TMEM229B: variants seen among roughly 807,000 people sequenced by gnomAD.
TMEM229B encodes chromosome 14 open reading frame 83.
In TMEM229B, 6 loss-of-function variants were observed where a neutral mutation model predicts 13.7. That is an observed-to-expected ratio of 0.44 (90% CI 0.24 to 0.86). The LOEUF (loss-of-function observed/expected upper bound fraction) is 0.86, where lower values mean the gene tolerates loss of function less well. Ranked by LOEUF, TMEM229B falls within the 40% of genes least tolerant of loss-of-function variation. The probability of loss-of-function intolerance (pLI) is 0.23; values close to 1 mark genes in which losing one functional copy is unlikely to be tolerated. For synonymous variants in TMEM229B, 107 were observed against 102.1 expected (o/e 1.05, Z -0.29); for missense variants, 170 against 236.0 (o/e 0.72, Z 1.83).
chr14:67,493,215 T>C (rs943234238), upstream of TMEM229B, among the ~76,000 whole-genome samples: 1 of 152,206 alleles, frequency 6.6e-6, no homozygotes, highest in African/African-American at 2.4e-5. Context: ...CCTTGTTCTT[T>C]GTTCTATTCT....
intron 2 of TMEM229B, 45 bp downstream of exon 2, chr14:67,486,955 G>C (rs1301763828): frequency 1.3e-5 from 2 of 152,202 alleles, no homozygotes; most frequent in African/African-American, 4.8e-5. Flanking sequence ...CGAGCAGGCA[G>C]GATCGCTGGG....
chr14:67,526,054 C>T (rs1446284810), intron 1 of TMEM229B, among the ~76,000 whole-genome samples: 1 of 152,210 alleles, frequency 6.6e-6, no homozygotes, highest in African/African-American at 2.4e-5. Flanking sequence ...TGAGACCTGT[C>T]TGTCAGCTCT....
chr14:67,477,815 G>A (rs1292910123), intron 2 of TMEM229B, among the ~76,000 whole-genome samples: 1 of 152,138 alleles, frequency 6.6e-6, no homozygotes, highest in African/African-American at 2.4e-5. Context: ...CCCAAAACCT[G>A]TTTCTCTCCT....
chr14:67,481,057 G>A (rs897902299), intron 2 of TMEM229B, among the ~76,000 whole-genome samples: 1 of 152,178 alleles, frequency 6.6e-6, no homozygotes, highest in Admixed American at 6.5e-5. Context: ...TTTGGAGGCT[G>A]AGGTGGGAGA....
intron 1 of TMEM229B, among the ~76,000 whole-genome samples, chr14:67,528,419 G>A (rs1196021177): frequency 6.6e-6 from 1 of 152,176 alleles, no homozygotes; most frequent in Non-Finnish European, 1.5e-5. Context: ...TGGGCTGTTG[G>A]AGAACCTGCC....
At chr14:67,506,208 G>A (rs2032819957) in intron 1 of TMEM229B, among the ~76,000 whole-genome samples, 1 of 152,032 alleles carries the variant, frequency 6.6e-6, no homozygotes, top group South Asian at 2.1e-4. Flanking sequence ...TTTTTCCATG[G>A]GACTCTGCTT....
upstream of TMEM229B, among the ~76,000 whole-genome samples, chr14:67,517,389 G>A (rs564627272): frequency 1.9e-4 from 29 of 152,332 alleles, no homozygotes; most frequent in African/African-American, 6.3e-4. Context: ...CACGGTAGGC[G>A]CCGGGCTCAG....
At chr14:67,495,385 C>T (rs946017606) in intron 1 of TMEM229B, among the ~76,000 whole-genome samples, 4 of 152,128 alleles carry the variant, frequency 2.6e-5, no homozygotes, top group South Asian at 2.1e-4. Flanking sequence ...GGAGTGTATC[C>T]GTATATGTAG....
rs1037733653 is a variant in TMEM229B, at chr14:67,472,262, C to T, written c.*1158G>A. 2.6e-5 allele frequency: 4 copies of T among 152,472 alleles called. No homozygotes were observed. The highest frequency in any genetic ancestry group is 2.6e-4 in the Admixed American group (4 of 15,302). 9.4% of individuals were successfully genotyped at this position (152,472 alleles called of 1,614,324 possible). A position where few individuals can be genotyped will look rare whatever the true frequency, so the allele number is the denominator to read the frequency against. On this transcript the variant is annotated 3_prime_UTR_variant, in exon 3 of 3. Transcript: ENST00000554480. Reference sequence around the variant, plus strand: ...CTGCAAGGTCCTCCTCTCTTTCTTCCTCTCATTCTCCATCAGTCTCCAATG... The same window carrying T: ...CTGCAAGGTCCTCCTCTCTTTCTTCTTCTCATTCTCCATCAGTCTCCAATG...
intron 2 of TMEM229B, among the ~76,000 whole-genome samples, chr14:67,484,776 A>T (rs2140112668): frequency 6.6e-6 from 1 of 152,266 alleles, no homozygotes; most frequent in East Asian, 1.9e-4. Context: ...AAAAAAAAAG[A>T]AAAAGCACTC....
In TMEM229B at chr14:67,471,920, G is replaced by A. The variant is rs561203671; in HGVS notation, c.*1500C>T. 6.6e-6 allele frequency: 1 copy of A among 152,380 alleles called. No homozygotes were observed. The highest frequency in any genetic ancestry group is 2.1e-4 in the South Asian group (1 of 4,834). The allele number at this position is 152,380 out of a possible 1,614,324, so 9.4% of individuals were successfully genotyped here. Reference sequence around the variant, plus strand: ...GTCAAGAAGAGACCATGTACCATGGGGTGGGCCACTTTCTAACGGACCCTT... The same window carrying A: ...GTCAAGAAGAGACCATGTACCATGGAGTGGGCCACTTTCTAACGGACCCTT... On this transcript the variant is annotated 3_prime_UTR_variant, in exon 3 of 3. Coordinates refer to ENST00000554480, the MANE Select transcript of TMEM229B (RefSeq NM_001348543.2).
intron 1 of TMEM229B, among the ~76,000 whole-genome samples, chr14:67,496,390 C>CGTTTT (rs2032369039): frequency 7.2e-5 from 2 of 27,632 alleles, no homozygotes; most frequent in Non-Finnish European, 1.7e-4. Context: ...ACTGCTCCGG[C>CGTTTT]GTTTTTTTTT....
At chr14:67,518,406 G>C (rs185891667), upstream of TMEM229B, among the ~76,000 whole-genome samples, 1 of 152,344 alleles carries the variant, frequency 6.6e-6, no homozygotes, top group Admixed American at 6.5e-5. Flanking sequence ...GAGTAAGTAG[G>C]AGAATGCATA....
At chr14:67,498,781 T>A (rs1460921693) in intron 1 of TMEM229B, among the ~76,000 whole-genome samples, 1 of 152,062 alleles carries the variant, frequency 6.6e-6, no homozygotes, top group Non-Finnish European at 1.5e-5. Context: ...TTCTCCTGTC[T>A]CAGTCTCTCG....
At position 67,511,499 on chromosome 14, in the gene TMEM229B, G is replaced by A. The variant is rs768491919; in HGVS notation, c.-192+3587C>T. The stretch of plus-strand genomic sequence containing the variant: ...TATAATACCAGCCACACTGGGAGCC[G>A]AGAATCCCGAAAAAAATATTAAACT... On this transcript the variant is annotated intron_variant, in intron 1 of 2. Transcript: ENST00000357461. 2.0e-5 allele frequency among the ~76,000 whole-genome samples: 3 copies of A among 152,118 alleles called. No homozygotes were observed. In the South Asian group the frequency reaches 6.2e-4, roughly 32 times the overall value.
chr14:67,480,500 T>C (rs766179868), intron 2 of TMEM229B, among the ~76,000 whole-genome samples: 4 of 152,072 alleles, frequency 2.6e-5, no homozygotes, highest in Non-Finnish European at 4.4e-5. Context: ...GGGCACAGCC[T>C]CTCACCCCCT....
upstream of TMEM229B, among the ~76,000 whole-genome samples, chr14:67,519,825 C>T (rs1353242510): frequency 1.3e-5 from 2 of 151,964 alleles, no homozygotes; most frequent in Admixed American, 6.6e-5. Context: ...TAGGCTCAAG[C>T]GATTCTCCTG....
At chr14:67,515,453 C>T (rs1423248389), upstream of TMEM229B, 8 of 175,996 alleles carry the variant, frequency 4.5e-5, no homozygotes, top group South Asian at 9.5e-4. Flanking sequence ...ACCCATAGTA[C>T]GGATGCGCTG....
At chr14:67,499,175 T>TA (rs1186753224) in intron 1 of TMEM229B, among the ~76,000 whole-genome samples, 1 of 151,888 alleles carries the variant, frequency 6.6e-6, no homozygotes, top group Non-Finnish European at 1.5e-5. Context: ...GGTAATTTCT[T>TA]AATTTTTTTG....
Sources: allele counts gnomAD v4.1 joint callset (sites outside exome capture counted in the v4.1 genomes callset), GRCh38; gene constraint gnomAD v4.1.1; transcripts MANE v1.5; gene names NCBI Gene and HGNC (gene_info 2026-07-23, HGNC 2026-07-21).